Variants in ARHGAP24 observed in about 807,000 individuals in gnomAD.
The protein encoded by ARHGAP24 is rho GTPase-activating protein 24.
In ARHGAP24, 50 loss-of-function variants were observed where a neutral mutation model predicts 76.4. That is an observed-to-expected ratio of 0.65 (90% CI 0.52 to 0.83). The LOEUF (loss-of-function observed/expected upper bound fraction) is 0.83. Among genes scored for constraint, ARHGAP24 ranks in the 40% least tolerant of loss-of-function variants. The pLI, the probability that ARHGAP24 is intolerant of heterozygous loss-of-function variation, is 0.00. For synonymous variants in ARHGAP24, 345 were observed against 323.3 expected (o/e 1.07, Z -0.72); for missense variants, 930 against 914.2 (o/e 1.02, Z -0.22).
chr4:85,764,046 A>C (rs969257146), intron 3 of ARHGAP24, among the ~76,000 whole-genome samples: 1 of 152,134 alleles, frequency 6.6e-6, no homozygotes, highest in Non-Finnish European at 1.5e-5. Flanking sequence ...ATCTGTAAGA[A>C]AGTAGATTTT....
At chr4:85,577,237 A>AT (rs1186924419) in intron 2 of ARHGAP24, among the ~76,000 whole-genome samples, 30 of 148,402 alleles carry the variant, frequency 2.0e-4, no homozygotes, top group East Asian at 1.7e-3. Flanking sequence ...TAGGAAAAAA[A>AT]AATATATATA....
At chr4:85,520,079 T>A (rs1187391782) in intron 1 of ARHGAP24, among the ~76,000 whole-genome samples, 2 of 152,120 alleles carry the variant, frequency 1.3e-5, no homozygotes, top group Non-Finnish European at 2.9e-5. Context: ...AATTAATGAA[T>A]TGTTGTTTCA....
chr4:85,985,219 T>C (rs1223223498), intron 8 of ARHGAP24, among the ~76,000 whole-genome samples: 2 of 152,112 alleles, frequency 1.3e-5, no homozygotes, highest in Non-Finnish European at 2.9e-5. Context: ...ATAGCAAGGA[T>C]GTGGAATCAA....
intron 3 of ARHGAP24, among the ~76,000 whole-genome samples, chr4:85,850,606 A>C (rs1731167440): frequency 6.6e-6 from 1 of 152,160 alleles, no homozygotes; most frequent in African/African-American, 2.4e-5. Flanking sequence ...ATTTCCCTAT[A>C]CACACTGCTT....
intron 3 of ARHGAP24, among the ~76,000 whole-genome samples, chr4:85,916,073 C>T (rs1237737465): frequency 6.6e-6 from 1 of 152,156 alleles, no homozygotes; most frequent in African/African-American, 2.4e-5. Flanking sequence ...TACATCCTCT[C>T]TAGCATCTGT....
At chr4:85,853,980 C>A (rs71599430) in intron 3 of ARHGAP24, among the ~76,000 whole-genome samples, 27,593 of 141,360 alleles carry the variant, frequency 0.2, 3,387 homozygotes, top group African/African-American at 0.36. Flanking sequence ...CAAAAAAAAA[C>A]CCCAATTAGC....
intron 3 of ARHGAP24, among the ~76,000 whole-genome samples, chr4:85,825,593 G>A (rs1729677459): frequency 6.6e-6 from 1 of 152,154 alleles, no homozygotes; most frequent in Non-Finnish European, 1.5e-5. Context: ...TATACAGAAA[G>A]ACTTCTGAAC....
chr4:85,814,574 A>G (rs753194216), intron 3 of ARHGAP24, among the ~76,000 whole-genome samples: 1 of 152,190 alleles, frequency 6.6e-6, no homozygotes, highest in Non-Finnish European at 1.5e-5. Flanking sequence ...CATGTCTTAT[A>G]TCCAGGGCAT....
intron 3 of ARHGAP24, among the ~76,000 whole-genome samples, chr4:85,768,464 C>T (rs13123125): frequency 0.15 from 22,391 of 151,998 alleles, 1,921 homozygotes; most frequent in East Asian, 0.25. Context: ...GATAGCTGGG[C>T]GTGGTGGCTC....
intron 2 of ARHGAP24, among the ~76,000 whole-genome samples, chr4:85,581,300 T>A (rs1464167323): frequency 2.6e-5 from 4 of 152,164 alleles, no homozygotes; most frequent in Non-Finnish European, 4.4e-5. Context: ...TAGAAAAGAT[T>A]AATAGAATCA....
chr4:85,713,050 C>A (rs1299350071), intron 2 of ARHGAP24, among the ~76,000 whole-genome samples: 1 of 152,126 alleles, frequency 6.6e-6, no homozygotes. Context: ...ATAATCCCAG[C>A]ACGTGAAGAG....
chr4:85,874,630 T>A (rs1320561204), intron 3 of ARHGAP24, among the ~76,000 whole-genome samples: 2 of 151,524 alleles, frequency 1.3e-5, no homozygotes, highest in African/African-American at 4.8e-5. Context: ...ATCATTCCCC[T>A]GTTTAACGAT....
At chr4:85,733,060 C>CCCTTTTTTTTTTTTTTTTTTT (rs1460021134) in intron 3 of ARHGAP24, among the ~76,000 whole-genome samples, 4 of 55,206 alleles carry the variant, frequency 7.2e-5, no homozygotes, top group Admixed American at 3.9e-4. Context: ...GCCTCACCAA[C>CCCTTTTTTTTTTTTTTTTTTT]TTTTTTTTTT....
intron 3 of ARHGAP24, among the ~76,000 whole-genome samples, chr4:85,865,834 A>G (rs1732169812): frequency 6.6e-6 from 1 of 151,974 alleles, no homozygotes; most frequent in South Asian, 2.1e-4. Context: ...AGTTAGCTGA[A>G]TTCTTTATTA....
intron 3 of ARHGAP24, among the ~76,000 whole-genome samples, chr4:85,801,712 T>A (rs1368996514): frequency 6.6e-6 from 1 of 152,238 alleles, no homozygotes; most frequent in African/African-American, 2.4e-5. Context: ...AGCTACTTAT[T>A]CCAACAAAAC....
rs371774226 is a variant in ARHGAP24 at position 85,516,553 on chromosome 4, T to C, written c.-21+40994T>C. Among the ~76,000 whole-genome samples, 15 of 152,212 alleles carry C rather than the reference T, an allele frequency of 9.9e-5. No individual in the cohort carries two copies. The East Asian group carries it at 1.7e-3, about 18-fold the overall frequency. On this transcript the variant is annotated intron_variant, in intron 1 of 9. Transcript: ENST00000395184. ...TTTCTCTTATTTTGAGAATTGCATA[T>C]TTTCTTATGTTTAAGGGCCAAGAAA...
intron 3 of ARHGAP24, among the ~76,000 whole-genome samples, chr4:85,920,070 AAGAT>A (rs1353857806): frequency 6.6e-6 from 1 of 152,204 alleles, no homozygotes; most frequent in Admixed American, 6.5e-5. Flanking sequence ...TGTATCAAGA[AAGAT>A]AACACTTTTA....
At chr4:85,976,868 C>A (rs1234503642) in intron 7 of ARHGAP24, among the ~76,000 whole-genome samples, 1 of 151,404 alleles carries the variant, frequency 6.6e-6, no homozygotes, top group Non-Finnish European at 1.5e-5. Flanking sequence ...CTGCAACCTC[C>A]GCCTCCCGAG....
chr4:85,511,421 G>A (rs1430706548), intron 1 of ARHGAP24, among the ~76,000 whole-genome samples: 1 of 151,884 alleles, frequency 6.6e-6, no homozygotes, highest in Non-Finnish European at 1.5e-5. Flanking sequence ...TTAAACAAAA[G>A]AAATTCACTG....
Sources: allele counts gnomAD v4.1 joint callset (sites outside exome capture counted in the v4.1 genomes callset), GRCh38; gene constraint gnomAD v4.1.1; transcripts MANE v1.5; gene names NCBI Gene and HGNC (gene_info 2026-07-23, HGNC 2026-07-21).